Variants in CCDC170 observed in about 807,000 individuals in gnomAD.
The protein encoded by CCDC170 is coiled-coil domain containing 170.
A neutral mutation model predicts 72.6 loss-of-function variants in CCDC170; 69 were observed. The ratio of observed to expected loss-of-function variants is 0.95; its 90% CI spans 0.78 to 1.16. The LOEUF is 1.16. Among genes scored for constraint, CCDC170 ranks in the 50% most tolerant of loss-of-function variants. CCDC170 has a pLI of 0.00. For missense variants in CCDC170, 852 were observed against 832.5 expected (o/e 1.02, Z -0.29); for synonymous variants, 300 against 303.9 (o/e 0.99, Z 0.13).
At chr6:151,509,751 T>C (rs1183191347) in intron 1 of CCDC170, among the ~76,000 whole-genome samples, 2 of 152,198 alleles carry the variant, frequency 1.3e-5, no homozygotes, top group Non-Finnish European at 2.9e-5. Flanking sequence ...GAGACAGCAA[T>C]ATCAAGCATC....
rs139998977 is a variant in CCDC170, at chr6:151,593,204, G to T, written c.1391G>T (p.Arg464Leu). 6.2e-7 allele frequency: 1 copy of T among 1,614,178 alleles called. No homozygotes were observed. Among genetic ancestry groups the T allele is most frequent in the Non-Finnish European group, 8.5e-7 (1 of 1,180,034 alleles). ...ATGCGGCTGGACGTGGTTTTAGCTC[G>T]AACAGAGCAGCTGGTTCGTCTTGAG... is the stretch of plus-strand genomic sequence containing the variant. Reference protein sequence around the residue: ...FDMRLDVVLARTEQLVRLESN... With the variant: ...FDMRLDVVLALTEQLVRLESN... Residue 464 changes from arginine to leucine, a missense_variant, in exon 8 of 11, where the codon CGA (arginine) becomes CTA (leucine). Coordinates refer to ENST00000239374, the MANE Select transcript of CCDC170 (RefSeq NM_025059.4).
At chr6:151,565,178 C>T (rs558524366) in intron 5 of CCDC170, among the ~76,000 whole-genome samples, 1 of 152,274 alleles carries the variant, frequency 6.6e-6, no homozygotes, top group Non-Finnish European at 1.5e-5. Flanking sequence ...GGCAGTGGGG[C>T]TCCTGGGATG....
intron 3 of CCDC170, among the ~76,000 whole-genome samples, chr6:151,543,411 T>C (rs1782722206): frequency 6.6e-6 from 1 of 150,868 alleles, no homozygotes; most frequent in Non-Finnish European, 1.5e-5. Flanking sequence ...ATCAGGGAAA[T>C]TAGTAAATCC....
intron 5 of CCDC170, among the ~76,000 whole-genome samples, chr6:151,565,626 G>A (rs919950089): frequency 6.6e-6 from 1 of 152,120 alleles, no homozygotes; most frequent in Non-Finnish European, 1.5e-5. Context: ...ATTCTTCTTT[G>A]TGGAGGGGCA....
intron 6 of CCDC170, among the ~76,000 whole-genome samples, chr6:151,581,676 G>A (rs1171138103): frequency 6.6e-6 from 1 of 152,166 alleles, no homozygotes; most frequent in Non-Finnish European, 1.5e-5. Flanking sequence ...TCCATCAGAG[G>A]AATCACTCTC....
rs1390109821 is a variant in CCDC170, at chr6:151,494,118, C to T, written c.-11C>T. On this transcript the variant is annotated 5_prime_UTR_variant, in exon 1 of 11. Coordinates refer to ENST00000239374, the MANE Select transcript of CCDC170 (RefSeq NM_025059.4). ...TTCCGGGTCCGAGCGCGCCCCCGGG[C>T]TCGGGTCGTCATGAGCCTGGACTGC... 6.7e-7 allele frequency: 1 copy of T among 1,497,886 alleles called. No homozygotes were observed. Among genetic ancestry groups the T allele is most frequent in the Non-Finnish European group, 8.8e-7 (1 of 1,130,614 alleles). 92.8% of individuals were successfully genotyped at this position (1,497,886 alleles called of 1,614,324 possible). A position where few individuals can be genotyped will look rare whatever the true frequency, so the allele number is the denominator to read the frequency against.
chr6:151,573,430 C>A lies in CCDC170; in HGVS notation c.1031C>A (p.Thr344Asn). Reference protein sequence around the residue: ...LRGRLSMTGSTEDTILEKIRE... With the variant: ...LRGRLSMTGSNEDTILEKIRE... Reference sequence around the variant, plus strand: ...GGCAGATTGAGCATGACTGGGTCCACTGAGGACACCATTTTGGAGAAGATT... The same window carrying A: ...GGCAGATTGAGCATGACTGGGTCCAATGAGGACACCATTTTGGAGAAGATT... Residue 344 changes from threonine (T) to asparagine (N), a missense_variant, in exon 6 of 11, where the codon ACT becomes AAT. Physicochemically the swap from Thr to Asn is moderately conservative, Grantham distance 65. Transcript: ENST00000239374. The A allele has an allele frequency of 6.2e-7, 1 of 1,614,148 alleles. No individual in the cohort carries two copies.
At chr6:151,525,706 A>G (rs1583009629) in intron 1 of CCDC170, among the ~76,000 whole-genome samples, 1 of 152,312 alleles carries the variant, frequency 6.6e-6, no homozygotes, top group South Asian at 2.1e-4. Context: ...CAGGTGATTA[A>G]AAAGCTTTAT....
At chr6:151,574,273 G>A (rs1776270573) in intron 6 of CCDC170, among the ~76,000 whole-genome samples, 1 of 152,212 alleles carries the variant, frequency 6.6e-6, no homozygotes, top group African/African-American at 2.4e-5. Flanking sequence ...AGGCATGGCA[G>A]TCCCACAAGC....
At chr6:151,495,574 G>A (rs1163809614) in intron 1 of CCDC170, among the ~76,000 whole-genome samples, 1 of 151,564 alleles carries the variant, frequency 6.6e-6, no homozygotes, top group African/African-American at 2.4e-5. Context: ...TCGGCTCGCC[G>A]CCGCCTTGAC....
At chr6:151,509,222 G>GTATCTATGTATC (rs1782110831) in intron 1 of CCDC170, among the ~76,000 whole-genome samples, 1 of 127,344 alleles carries the variant, frequency 7.9e-6, no homozygotes. Flanking sequence ...ATCTATCTAT[G>GTATCTATGTATC]TATCTATCTA....
At chr6:151,582,964 C>G (rs994304331) in intron 6 of CCDC170, among the ~76,000 whole-genome samples, 3 of 148,470 alleles carry the variant, frequency 2.0e-5, no homozygotes, top group Non-Finnish European at 4.4e-5. Flanking sequence ...CACACTGTAT[C>G]AGTGTGTTTA....
chr6:151,525,535 T>A (rs1782391453), intron 1 of CCDC170, among the ~76,000 whole-genome samples: 1 of 152,150 alleles, frequency 6.6e-6, no homozygotes, highest in African/African-American at 2.4e-5. Context: ...AAGAAGGTAC[T>A]TTGTAATATT....
chr6:151,551,074 T>G (rs1782870602), intron 5 of CCDC170, among the ~76,000 whole-genome samples: 1 of 152,160 alleles, frequency 6.6e-6, no homozygotes, highest in Non-Finnish European at 1.5e-5. Flanking sequence ...TTTTAAAAAA[T>G]TTCAAATATA....
Position 151,544,661 on chromosome 6 carries a change from G to A in CCDC170, c.533G>A (p.Cys178Tyr). Residue 178 changes from cysteine (C) to tyrosine (Y), a missense_variant, in exon 4 of 11, where the codon TGC becomes TAC. Coordinates refer to ENST00000239374, the MANE Select transcript of CCDC170 (RefSeq NM_025059.4). ...GAATTTCTGACTCAACTGCGTGACT[G>A]CTTGGATCCAGATGAGAGGAATGAC... ...HEEFLTQLRDCLDPDERNDKA... is the reference protein window; with the variant it reads ...HEEFLTQLRDYLDPDERNDKA... 6.2e-7 allele frequency: 1 copy of A among 1,613,578 alleles called. No individual in the cohort carries two copies. Among genetic ancestry groups the A allele is most frequent in the East Asian group, 2.2e-5 (1 of 44,852 alleles).
At chr6:151,542,623 T>TA (rs1782709592) in intron 3 of CCDC170, among the ~76,000 whole-genome samples, 1 of 152,212 alleles carries the variant, frequency 6.6e-6, no homozygotes, top group Admixed American at 6.5e-5. Flanking sequence ...TTAGTTCCAC[T>TA]AAAAAAATTA....
intron 6 of CCDC170, among the ~76,000 whole-genome samples, chr6:151,574,820 GA>G (rs997531746): frequency 6.6e-6 from 1 of 152,084 alleles, no homozygotes; most frequent in Non-Finnish European, 1.5e-5. Flanking sequence ...TGTATTGAAT[GA>G]AAAAAATTGT....
rs548990801 is a variant in CCDC170 at position 151,512,444 on chromosome 6, G to A, written c.57+18259G>A. Among the ~76,000 whole-genome samples, 10 of 152,292 alleles carry A rather than the reference G, an allele frequency of 6.6e-5. No homozygotes were observed. The East Asian group carries it at 1.3e-3, about 21-fold the overall frequency. On this transcript the variant is annotated intron_variant, in intron 1 of 10. Coordinates refer to ENST00000239374, the MANE Select transcript of CCDC170 (RefSeq NM_025059.4). ...CAAACTGCTGGGATTACAGGCATAA[G>A]CCACTGCACCCGGACCCAGTAGTAT...
At chr6:151,513,362 C>T (rs902497573) in intron 1 of CCDC170, among the ~76,000 whole-genome samples, 3 of 152,174 alleles carry the variant, frequency 2.0e-5, no homozygotes, top group African/African-American at 7.2e-5. Context: ...GTAATCCCAG[C>T]ACTTTGGGAT....
Sources: allele counts gnomAD v4.1 joint callset (sites outside exome capture counted in the v4.1 genomes callset), GRCh38; gene constraint gnomAD v4.1.1; transcripts MANE v1.5; gene names NCBI Gene and HGNC (gene_info 2026-07-23, HGNC 2026-07-21).